RANBP2: variants seen among roughly 807,000 people sequenced by gnomAD.
RANBP2 encodes E3 SUMO-protein ligase RanBP2.
RANBP2 carries 57 observed loss-of-function variants against 303.6 expected under a neutral mutation model. The observed-to-expected ratio is 0.19, with a 90% confidence interval of 0.15 to 0.23. The LOEUF (loss-of-function observed/expected upper bound fraction) is 0.23, where lower values mean the gene tolerates loss of function less well. RANBP2 is among the 10% of genes least tolerant of loss of function. RANBP2 has a pLI of 1.00. For synonymous variants in RANBP2, 1,167 were observed against 1,301.5 expected (o/e 0.90, Z 2.23); for missense variants, 3,138 against 3,780.8 (o/e 0.83, Z 4.46).
chr2:109,539,252 T>C, the RANBP2 span, among the ~76,000 whole-genome samples: 1 of 151,712 alleles, frequency 6.6e-6, no homozygotes, highest in East Asian at 2.0e-4. Flanking sequence ...GAGCCGATAT[T>C]ATGCCACTGC....
the RANBP2 span, among the ~76,000 whole-genome samples, chr2:108,937,683 T>C: frequency 1.3e-5 from 2 of 151,820 alleles, no homozygotes; most frequent in African/African-American, 4.8e-5. Context: ...TATAAGTGTA[T>C]GTGATGTGTA....
chr2:108,749,921 A>G (rs1268358777), intron 9 of RANBP2, among the ~76,000 whole-genome samples: 5 of 152,100 alleles, frequency 3.3e-5, no homozygotes, highest in Admixed American at 2.0e-4. Context: ...AGGCCGAGGC[A>G]GGCAGATCAC....
At chr2:109,109,424 C>T in the RANBP2 span, among the ~76,000 whole-genome samples, 4 of 152,202 alleles carry the variant, frequency 2.6e-5, no homozygotes, top group Non-Finnish European at 5.9e-5. Flanking sequence ...CATTCAGGAC[C>T]TTAATGGCAT....
At chr2:109,681,617 T>G in the RANBP2 span, among the ~76,000 whole-genome samples, 1 of 152,308 alleles carries the variant, frequency 6.6e-6, no homozygotes, top group African/African-American at 2.4e-5. Context: ...AAAGTGGCAA[T>G]GAGTCCCACA....
the RANBP2 span, among the ~76,000 whole-genome samples, chr2:109,232,443 A>C: frequency 6.6e-6 from 1 of 152,172 alleles, no homozygotes; most frequent in Non-Finnish European, 1.5e-5. Flanking sequence ...TGGTCTGCCT[A>C]TCTATCTGTA....
At chr2:109,068,593 C>T in the RANBP2 span, among the ~76,000 whole-genome samples, 181 of 152,298 alleles carry the variant, frequency 1.2e-3, no homozygotes, top group Middle Eastern at 3.4e-3. Flanking sequence ...TGTATTGTTT[C>T]TGTGCCTCAG....
At chr2:109,175,706 C>G in the RANBP2 span, among the ~76,000 whole-genome samples, 2 of 152,176 alleles carry the variant, frequency 1.3e-5, no homozygotes, top group Non-Finnish European at 2.9e-5. Context: ...AGGGACTTTT[C>G]TAGGTAGAGT....
At chr2:109,047,239 G>A in the RANBP2 span, among the ~76,000 whole-genome samples, 2 of 152,184 alleles carry the variant, frequency 1.3e-5, no homozygotes, top group African/African-American at 2.4e-5. Context: ...ATTCTTGGCA[G>A]AGGTCCTAGT....
At chr2:108,797,989 A>G in the RANBP2 span, among the ~76,000 whole-genome samples, 12 of 147,456 alleles carry the variant, frequency 8.1e-5, no homozygotes, top group Admixed American at 6.8e-4. Context: ...CTCCAGTGGT[A>G]CTTAGCTGAG....
At chr2:109,394,232 G>A in the RANBP2 span, among the ~76,000 whole-genome samples, 1 of 152,240 alleles carries the variant, frequency 6.6e-6, no homozygotes, top group East Asian at 1.9e-4. Context: ...AGAAAGCTGG[G>A]GAGACAAAGT....
the RANBP2 span, among the ~76,000 whole-genome samples, chr2:109,242,390 G>C: frequency 6.6e-6 from 1 of 152,132 alleles, no homozygotes; most frequent in African/African-American, 2.4e-5. Flanking sequence ...GTCGTGCCTC[G>C]TTGCAGATGG....
At chr2:109,662,348 G>A in the RANBP2 span, among the ~76,000 whole-genome samples, 5 of 152,020 alleles carry the variant, frequency 3.3e-5, no homozygotes, top group Non-Finnish European at 5.9e-5. Flanking sequence ...GTGCAGTGGC[G>A]CGATCTTGGC....
the RANBP2 span, among the ~76,000 whole-genome samples, chr2:109,197,950 A>G: frequency 1.3e-5 from 2 of 152,236 alleles, no homozygotes; most frequent in Admixed American, 1.3e-4. Flanking sequence ...GTTATTTGGC[A>G]TCTGGGTGAG....
the RANBP2 span, among the ~76,000 whole-genome samples, chr2:108,994,424 A>C: frequency 7.9e-5 from 12 of 152,200 alleles, no homozygotes; most frequent in Non-Finnish European, 1.6e-4. Context: ...TACGAGCTTG[A>C]ATAGTGCAAA....
the RANBP2 span, among the ~76,000 whole-genome samples, chr2:109,050,177 A>C: frequency 2.6e-5 from 4 of 152,200 alleles, no homozygotes; most frequent in Non-Finnish European, 5.9e-5. Flanking sequence ...TGTATAATTG[A>C]TTGCATGTTG....
chr2:108,932,454 G>C, the RANBP2 span, among the ~76,000 whole-genome samples: 1 of 150,790 alleles, frequency 6.6e-6, no homozygotes, highest in Non-Finnish European at 1.5e-5. Context: ...GCATGAACCC[G>C]GGAGGCGGAG....
chr2:109,186,665 C>G, the RANBP2 span, among the ~76,000 whole-genome samples: 5 of 152,240 alleles, frequency 3.3e-5, no homozygotes, highest in East Asian at 5.8e-4. Context: ...GAAGACCCTG[C>G]GGGAAATGCA....
intron 24 of RANBP2, among the ~76,000 whole-genome samples, chr2:108,776,309 G>T (rs1055539876): frequency 6.6e-6 from 1 of 152,092 alleles, no homozygotes; most frequent in Non-Finnish European, 1.5e-5. Flanking sequence ...TGAAGGAATT[G>T]TAGAAATATT....
the RANBP2 span, among the ~76,000 whole-genome samples, chr2:109,679,566 G>A: frequency 0.027 from 4,048 of 152,280 alleles, 146 homozygotes; most frequent in African/African-American, 0.083. Flanking sequence ...GAGGAGGCAT[G>A]ACCCTAAGGC....
Sources: gnomAD v4.1 joint callset for allele counts (sites outside exome capture counted in the v4.1 genomes callset) on GRCh38, gnomAD v4.1.1 for gene constraint, MANE v1.5 for transcripts, NCBI Gene and HGNC (gene_info 2026-07-23, HGNC 2026-07-21) for gene names.